The following RAP1GAP2 variants were observed in gnomAD, a reference collection of about 807,000 sequenced individuals.
The protein encoded by RAP1GAP2 is rap1 GTPase-activating protein 2.
Under a neutral mutation model 95.0 loss-of-function variants are expected in RAP1GAP2, and 27 were observed. That is an observed-to-expected ratio of 0.28 (90% CI 0.21 to 0.39). The LOEUF (loss-of-function observed/expected upper bound fraction) is 0.39, where lower values mean the gene tolerates loss of function less well. Ranked by LOEUF, RAP1GAP2 falls within the 10% of genes least tolerant of loss-of-function variation. RAP1GAP2 has a pLI of 1.00. For missense variants in RAP1GAP2, 771 were observed against 970.0 expected (o/e 0.79, Z 2.72); for synonymous variants, 373 against 380.9 (o/e 0.98, Z 0.24).
intron 17 of RAP1GAP2, among the ~76,000 whole-genome samples, chr17:3,013,893 C>G (rs980111979): frequency 6.6e-6 from 1 of 152,160 alleles, no homozygotes; most frequent in Middle Eastern, 3.4e-3. Context: ...TGTAGAGATT[C>G]AATAGATCTT....
At chr17:2,964,246 C>G (rs1392467107) in intron 7 of RAP1GAP2, among the ~76,000 whole-genome samples, 178 bp downstream of exon 7, 5 of 89,316 alleles carry the variant, frequency 5.6e-5, no homozygotes, top group Admixed American at 2.3e-4. Context: ...GAGGAGCTGC[C>G]GGGGATGGGG....
At chr17:3,021,758 G>A (rs2046970275) in intron 19 of RAP1GAP2, among the ~76,000 whole-genome samples, 1 of 152,164 alleles carries the variant, frequency 6.6e-6, no homozygotes, top group African/African-American at 2.4e-5. Context: ...TTTCATGTCT[G>A]GCTTTCACTT....
chr17:2,972,598 CAAAA>C (rs35539479), intron 8 of RAP1GAP2, among the ~76,000 whole-genome samples: 6 of 85,530 alleles, frequency 7.0e-5, no homozygotes, highest in Non-Finnish European at 1.0e-4. Flanking sequence ...AAGTCCTTCT[CAAAA>C]AAAAAAAAAA....
chr17:2,930,563 G>T (rs1194347061), intron 3 of RAP1GAP2, among the ~76,000 whole-genome samples: 2 of 152,220 alleles, frequency 1.3e-5, no homozygotes, highest in Non-Finnish European at 2.9e-5. Flanking sequence ...CTTCAGCCGA[G>T]GTCTGCAAGG....
At position 2,870,960 on chromosome 17, in the gene RAP1GAP2, C is replaced by T. The variant is rs9914569; in HGVS notation, c.81-34324C>T. Among the ~76,000 whole-genome samples the T allele has an allele frequency of 8.6e-3, 1,313 of 152,182 alleles. 19 individuals carry two copies. The highest frequency in any genetic ancestry group is 0.03 in the African/African-American group (1,239 of 41,516). ...AACGTTTCATTTTATTTTATTATTA[C>T]TATTATTCTTTTGAGACAGAGTTTC... On this transcript the variant is annotated intron_variant, in intron 2 of 24. Transcript: ENST00000254695. The surrounding 1 kb of genome is among the most constrained non-coding windows in gnomAD (Gnocchi z 4.4).
chr17:2,786,349 C>A (rs1003274451), intron 1 of RAP1GAP2, among the ~76,000 whole-genome samples: 1 of 152,228 alleles, frequency 6.6e-6, no homozygotes, highest in Admixed American at 6.5e-5. Flanking sequence ...GGAGGATTTC[C>A]CCCTCCCTTC....
intron 2 of RAP1GAP2, among the ~76,000 whole-genome samples, chr17:2,894,849 C>T (rs1038195665): frequency 3.3e-5 from 5 of 152,142 alleles, no homozygotes; most frequent in Non-Finnish European, 7.3e-5. Context: ...CAGCGCCCCT[C>T]GGCCCCGTTT....
At chr17:2,768,692 C>CAA (rs59118427) in intron 1 of RAP1GAP2, among the ~76,000 whole-genome samples, 1,482 of 111,172 alleles carry the variant, frequency 0.013, 24 homozygotes, top group African/African-American at 0.041. Context: ...AACTCTGTCT[C>CAA]AAAAAAAAAA....
intron 2 of RAP1GAP2, among the ~76,000 whole-genome samples, chr17:2,833,042 C>T (rs1333923418): frequency 6.6e-6 from 1 of 152,192 alleles, no homozygotes; most frequent in African/African-American, 2.4e-5. Context: ...AATGTCCATA[C>T]ATACACAGTT....
chr17:2,819,129 C>T (rs527380814), intron 2 of RAP1GAP2, among the ~76,000 whole-genome samples: 2 of 151,308 alleles, frequency 1.3e-5, no homozygotes, highest in East Asian at 3.9e-4. Flanking sequence ...CGCCATTCTC[C>T]TGCCTCAGCC....
chr17:2,949,350 G>C (rs1481724698), intron 3 of RAP1GAP2, among the ~76,000 whole-genome samples: 4 of 152,232 alleles, frequency 2.6e-5, no homozygotes, highest in South Asian at 2.1e-4. Context: ...CCTTCCGGAG[G>C]CTGTCCCGGG....
At chr17:3,001,451 GGTCC>G (rs2046154408) in intron 14 of RAP1GAP2, among the ~76,000 whole-genome samples, 2 of 111,514 alleles carry the variant, frequency 1.8e-5, no homozygotes, top group Admixed American at 8.3e-5. Context: ...AGGGAGTGCA[GGTCC>G]AAGCACCAGG....
intron 1 of RAP1GAP2, among the ~76,000 whole-genome samples, chr17:2,790,220 C>T (rs908262275): frequency 6.6e-6 from 1 of 152,038 alleles, no homozygotes; most frequent in African/African-American, 2.4e-5. Flanking sequence ...TCAAGCAATT[C>T]TCCCGCCTCA....
intron 2 of RAP1GAP2, among the ~76,000 whole-genome samples, chr17:2,889,842 C>T (rs2073629707): frequency 7.4e-6 from 1 of 134,458 alleles, no homozygotes; most frequent in African/African-American, 2.7e-5. Flanking sequence ...GCCACCACGC[C>T]TGGCTAATTT....
chr17:2,782,618 C>T (rs1320027291), intron 1 of RAP1GAP2, among the ~76,000 whole-genome samples: 2 of 152,188 alleles, frequency 1.3e-5, no homozygotes, highest in African/African-American at 4.8e-5. Context: ...TAATGGAGCT[C>T]TTCCTGCACC....
At chr17:2,843,845 A>C (rs979119909) in intron 2 of RAP1GAP2, among the ~76,000 whole-genome samples, 4 of 151,680 alleles carry the variant, frequency 2.6e-5, no homozygotes, top group Non-Finnish European at 5.9e-5. Context: ...GGCACACTTA[A>C]GTCCTTTAGT....
At chr17:2,776,393 C>T (rs2068499797), upstream of RAP1GAP2, among the ~76,000 whole-genome samples, 1 of 151,090 alleles carries the variant, frequency 6.6e-6, no homozygotes, top group African/African-American at 2.5e-5. Flanking sequence ...TTGCATCTTC[C>T]AGGAACCCCT....
chr17:3,016,913 A>G (rs1443425), intron 17 of RAP1GAP2, among the ~76,000 whole-genome samples: 104,809 of 152,100 alleles, frequency 0.69, 36,574 homozygotes, highest in Non-Finnish European at 0.75. Flanking sequence ...TAAAGCCTCC[A>G]TGCTTTTGAC....
At chr17:2,770,699 T>C (rs1250468745) in intron 2 of RAP1GAP2, among the ~76,000 whole-genome samples, 1 of 152,250 alleles carries the variant, frequency 6.6e-6, no homozygotes, top group East Asian at 1.9e-4. Flanking sequence ...CTGACTTCTC[T>C]TGGGAGATTA....
Sources: gnomAD v4.1 joint callset for allele counts (sites outside exome capture counted in the v4.1 genomes callset) on GRCh38, gnomAD v4.1.1 for gene constraint, Gnocchi (gnomAD v3.1) non-coding constraint, MANE v1.5 for transcripts, NCBI Gene and HGNC (gene_info 2026-07-23, HGNC 2026-07-21) for gene names.